OXR1: variants seen among roughly 807,000 people sequenced by gnomAD.
OXR1 encodes oxidation resistance protein 1.
A neutral mutation model predicts 104.6 loss-of-function variants in OXR1; 41 were observed. That is an observed-to-expected ratio of 0.39 (90% confidence interval 0.31 to 0.51). OXR1 has a LOEUF of 0.51. Ranked by LOEUF, OXR1 falls within the 20% of genes least tolerant of loss-of-function variation. OXR1 has a pLI of 0.77. For missense variants in OXR1, 955 were observed against 1,031.9 expected, an observed-to-expected ratio of 0.93 and a Z score of 1.02; for synonymous variants, 348 against 348.4, an observed-to-expected ratio of 1.00 and a Z score of 0.01.
Position 106,691,975 on chromosome 8 carries a change from G to GTA in OXR1, c.526-752_526-751insAT, listed in dbSNP as rs1554621712. Among the ~76,000 whole-genome samples, 551 of 142,578 alleles carry GTA rather than the reference G, an allele frequency of 3.9e-3. 3 individuals are homozygous for GTA. The highest frequency in any genetic ancestry group is 0.012 in the African/African-American group (477 of 38,364). 93.5% of individuals were successfully genotyped at this position (142,578 alleles called of 152,430 possible). On this transcript the variant is annotated intron_variant, in intron 6 of 16. Coordinates refer to ENST00000517566, the MANE Select transcript of OXR1 (RefSeq NM_001198533.2). ...AAGAAGCGTATATATGTGTGTGTGT[G>GTA]TCTATATATATACACACACACACAC...
At chr8:106,730,679 T>C (rs901098596) in intron 11 of OXR1, among the ~76,000 whole-genome samples, 82 of 152,164 alleles carry the variant, frequency 5.4e-4, no homozygotes, top group Non-Finnish European at 1.8e-4. Flanking sequence ...GAAAAGAAAC[T>C]GTTACAAACT....
chr8:106,629,376 G>C (rs571869864), intron 3 of OXR1, among the ~76,000 whole-genome samples: 5 of 152,168 alleles, frequency 3.3e-5, no homozygotes, highest in Admixed American at 6.5e-5. Context: ...GAGATCAACT[G>C]ATGAGCACAT....
At chr8:106,465,109 G>A (rs1035741290) in intron 2 of OXR1, among the ~76,000 whole-genome samples, 1 of 151,918 alleles carries the variant, frequency 6.6e-6, no homozygotes, top group African/African-American at 2.4e-5. Context: ...AAAATGTTGG[G>A]TGGGGTGACA....
chr8:106,580,580 C>T (rs1458298792), intron 3 of OXR1, among the ~76,000 whole-genome samples: 2 of 152,114 alleles, frequency 1.3e-5, no homozygotes, highest in Admixed American at 1.3e-4. Flanking sequence ...GTTTGGAATT[C>T]ATACCAAGAA....
intron 1 of OXR1, among the ~76,000 whole-genome samples, chr8:106,278,334 T>C (rs1812143837): frequency 6.6e-6 from 1 of 152,204 alleles, no homozygotes; most frequent in African/African-American, 2.4e-5. Context: ...ATGTAAATTG[T>C]TAATCTAACA....
At chr8:106,294,683 A>C (rs1255581324) in intron 1 of OXR1, among the ~76,000 whole-genome samples, 1 of 152,096 alleles carries the variant, frequency 6.6e-6, no homozygotes, top group East Asian at 1.9e-4. Flanking sequence ...TATCACAAAG[A>C]CAACACCAAG....
chr8:106,377,082 C>A (rs959226975), intron 2 of OXR1, among the ~76,000 whole-genome samples: 3 of 152,002 alleles, frequency 2.0e-5, no homozygotes, highest in African/African-American at 7.2e-5. Context: ...ATAGATATTA[C>A]CACAAAAAGG....
intron 1 of OXR1, among the ~76,000 whole-genome samples, chr8:106,283,415 A>G (rs1306063897): frequency 2.6e-5 from 4 of 152,204 alleles, no homozygotes; most frequent in African/African-American, 7.2e-5. Context: ...TGGATTCCAG[A>G]AGGACCGACG....
intron 2 of OXR1, among the ~76,000 whole-genome samples, chr8:106,411,667 A>G (rs1054279918): frequency 2.6e-5 from 4 of 152,210 alleles, no homozygotes; most frequent in Admixed American, 2.0e-4. Flanking sequence ...TGTGATGATA[A>G]GGCCTTGCCT....
At chr8:106,734,205 A>G (rs1348390245) in intron 11 of OXR1, among the ~76,000 whole-genome samples, 1 of 152,046 alleles carries the variant, frequency 6.6e-6, no homozygotes, top group Non-Finnish European at 1.5e-5. Context: ...TGAAAGCAGT[A>G]GTTTTAATTT....
chr8:106,523,077 G>A (rs181379523), intron 3 of OXR1, among the ~76,000 whole-genome samples: 119 of 152,272 alleles, frequency 7.8e-4, no homozygotes, highest in African/African-American at 2.7e-3. Flanking sequence ...TGAGCTACCC[G>A]TTCCTTGCTT....
At chr8:106,600,369 G>A (rs996227883) in intron 3 of OXR1, among the ~76,000 whole-genome samples, 1 of 152,188 alleles carries the variant, frequency 6.6e-6, no homozygotes, top group Non-Finnish European at 1.5e-5. Context: ...GCCCGGCCTA[G>A]ACTACAGTTT....
At chr8:106,523,016 C>CAACAA (rs1381754440) in intron 3 of OXR1, among the ~76,000 whole-genome samples, 9 of 152,138 alleles carry the variant, frequency 5.9e-5, no homozygotes, top group Admixed American at 5.9e-4. Flanking sequence ...AAAATTGCTT[C>CAACAA]TAAGCTCATT....
chr8:106,277,607 C>A (rs1356824677), intron 1 of OXR1, among the ~76,000 whole-genome samples: 1 of 152,204 alleles, frequency 6.6e-6, no homozygotes, highest in Non-Finnish European at 1.5e-5. Context: ...TGACTCTAAG[C>A]AGGACCTGAT....
intron 2 of OXR1, among the ~76,000 whole-genome samples, chr8:106,475,488 G>T (rs1821751516): frequency 1.3e-5 from 2 of 151,846 alleles, no homozygotes; most frequent in South Asian, 4.1e-4. Context: ...GGAGGTGGAA[G>T]GGGAGGCAGG....
At chr8:106,590,278 G>A (rs1341383714) in intron 3 of OXR1, among the ~76,000 whole-genome samples, 1 of 150,310 alleles carries the variant, frequency 6.7e-6, no homozygotes, top group East Asian at 1.9e-4. Context: ...TTTGGTTTTT[G>A]TTGTTGTTGT....
At chr8:106,274,894 T>C in intron 1 of OXR1, among the ~76,000 whole-genome samples, 1 of 152,334 alleles carries the variant, frequency 6.6e-6, no homozygotes, top group East Asian at 1.9e-4. Context: ...CACCTGTCAT[T>C]GGACTACGTG....
chr8:106,502,546 G>T (rs1277412490), intron 2 of OXR1, among the ~76,000 whole-genome samples: 2 of 151,970 alleles, frequency 1.3e-5, no homozygotes, highest in African/African-American at 4.8e-5. Flanking sequence ...GATGCCATTG[G>T]GTTCTTATTT....
At chr8:106,535,946 T>G (rs958410493) in intron 3 of OXR1, among the ~76,000 whole-genome samples, 1 of 152,128 alleles carries the variant, frequency 6.6e-6, no homozygotes, top group African/African-American at 2.4e-5. Flanking sequence ...TCAGGCTGGC[T>G]GCAGTGGCTC....
Sources: gnomAD v4.1 joint callset for allele counts (sites outside exome capture counted in the v4.1 genomes callset) on GRCh38, gnomAD v4.1.1 for gene constraint, MANE v1.5 for transcripts, NCBI Gene and HGNC (gene_info 2026-07-23, HGNC 2026-07-21) for gene names.